The following MTUS2 variants were observed in gnomAD, a reference collection of about 807,000 sequenced individuals.
MTUS2 encodes microtubule associated scaffold protein 2.
In MTUS2, 40 loss-of-function variants were observed where a neutral mutation model predicts 114.1. The ratio of observed to expected loss-of-function variants is 0.35; its 90% CI spans 0.27 to 0.46. MTUS2 has a LOEUF of 0.46. Among genes scored for constraint, MTUS2 ranks in the 20% least tolerant of loss-of-function variants. The pLI is 1.00. For missense variants in MTUS2, 1,679 were observed against 1,705.4 expected (o/e 0.98, Z 0.27); for synonymous variants, 688 against 672.0 (o/e 1.02, Z -0.37).
intron 2 of MTUS2, among the ~76,000 whole-genome samples, chr13:28,934,435 A>G (rs905282745): frequency 6.6e-6 from 1 of 152,092 alleles, no homozygotes; most frequent in African/African-American, 2.4e-5. Flanking sequence ...CTCTGTGGTG[A>G]ATATGCTGTG....
intron 9 of MTUS2, chr13:29,476,551 T>C (rs1476346784): frequency 1.1e-5 from 1 of 88,952 alleles, no homozygotes. Context: ...ATAATTCACA[T>C]ACCATACAAC....
chr13:29,375,622 T>TAAA (rs1213645448), intron 8 of MTUS2, among the ~76,000 whole-genome samples: 2 of 13,444 alleles, frequency 1.5e-4, no homozygotes, highest in African/African-American at 4.3e-4. Context: ...TATATATATA[T>TAAA]ATATATATAT....
At chr13:28,998,538 C>T (rs957344091) in intron 2 of MTUS2, among the ~76,000 whole-genome samples, 1 of 152,176 alleles carries the variant, frequency 6.6e-6, no homozygotes, top group African/African-American at 2.4e-5. Context: ...CAGTCAGACG[C>T]AGATTTGGTC....
chr13:29,262,394 C>T (rs779690548), intron 5 of MTUS2, among the ~76,000 whole-genome samples: 2 of 152,062 alleles, frequency 1.3e-5, no homozygotes, highest in African/African-American at 2.4e-5. Context: ...CATCTGCACC[C>T]ATATTTCCCC....
intron 3 of MTUS2, among the ~76,000 whole-genome samples, chr13:29,029,356 G>A (rs570244264): frequency 6.6e-6 from 1 of 152,216 alleles, no homozygotes; most frequent in South Asian, 2.1e-4. Context: ...GGACACTTGA[G>A]TCTGGCTTTA....
intron 9 of MTUS2, among the ~76,000 whole-genome samples, chr13:29,445,922 A>G (rs1404999291): frequency 6.7e-5 from 10 of 148,942 alleles, no homozygotes; most frequent in African/African-American, 2.3e-4. Context: ...AAAAAAAAAG[A>G]GAGAGTTTAT....
At chr13:29,274,432 G>A (rs1897986710) in intron 5 of MTUS2, among the ~76,000 whole-genome samples, 1 of 152,012 alleles carries the variant, frequency 6.6e-6, no homozygotes, top group Admixed American at 6.6e-5. Flanking sequence ...AACACATTGA[G>A]AAACTACCAA....
At chr13:29,400,054 C>G (rs1054597943) in intron 8 of MTUS2, among the ~76,000 whole-genome samples, 7 of 152,090 alleles carry the variant, frequency 4.6e-5, no homozygotes, top group African/African-American at 1.7e-4. Context: ...AATGCCTTAC[C>G]AACAACAATG....
At chr13:29,387,675 G>A (rs543839752) in intron 8 of MTUS2, among the ~76,000 whole-genome samples, 7 of 152,264 alleles carry the variant, frequency 4.6e-5, no homozygotes, top group South Asian at 2.1e-4. Context: ...GGCGGGTGAC[G>A]TTAGGAGACA....
chr13:29,194,602 C>T (rs1894595208), intron 5 of MTUS2, among the ~76,000 whole-genome samples: 2 of 151,092 alleles, frequency 1.3e-5, no homozygotes, highest in South Asian at 2.1e-4. Context: ...ACAACAGGTG[C>T]TGGAGAGGAT....
At position 29,319,597 on chromosome 13, in the gene MTUS2, G is replaced by A. The variant is rs369173460; in HGVS notation, c.2807-5016G>A. 1.5e-3 allele frequency among the ~76,000 whole-genome samples: 229 copies of A among 152,256 alleles called. 4 individuals carry two copies. Among genetic ancestry groups the A allele is most frequent in the African/African-American group, 4.8e-3 (200 of 41,544 alleles). On this transcript the variant is annotated intron_variant, in intron 6 of 15. Coordinates refer to ENST00000612955, the MANE Select transcript of MTUS2 (RefSeq NM_001033602.4). ...CCAGGATACTGTGTAACACCAGAGC[G>A]GTGCAGAGCTCTGATCCAGCAGGCC... is the stretch of plus-strand genomic sequence containing the variant.
chr13:29,443,069 T>C (rs1878011365), intron 9 of MTUS2, among the ~76,000 whole-genome samples: 1 of 152,186 alleles, frequency 6.6e-6, no homozygotes, highest in South Asian at 2.1e-4. Flanking sequence ...GGCTTGGCAG[T>C]TCTGAGCATG....
intron 6 of MTUS2, among the ~76,000 whole-genome samples, chr13:29,309,914 A>G (rs1899674050): frequency 1.3e-5 from 2 of 152,158 alleles, no homozygotes; most frequent in African/African-American, 4.8e-5. Context: ...TCTTTATGTT[A>G]CAAACAATTC....
chr13:28,979,592 T>G (rs1884268139), intron 2 of MTUS2, among the ~76,000 whole-genome samples: 1 of 152,172 alleles, frequency 6.6e-6, no homozygotes, highest in Non-Finnish European at 1.5e-5. Context: ...TTGAAATTAA[T>G]AGAAGAGTTA....
intron 4 of MTUS2, among the ~76,000 whole-genome samples, chr13:29,041,656 C>T (rs1034105516): frequency 1.3e-5 from 2 of 152,018 alleles, no homozygotes; most frequent in African/African-American, 4.8e-5. Context: ...AGAGGTCTTT[C>T]CCCTCTTTGG....
At chr13:29,031,237 G>GGTTGTGT (rs1555287204) in intron 3 of MTUS2, among the ~76,000 whole-genome samples, 2 of 122,886 alleles carry the variant, frequency 1.6e-5, no homozygotes, top group Non-Finnish European at 3.4e-5. Context: ...AGAACTAATA[G>GGTTGTGT]GTGTGTGTGT....
At chr13:29,436,216 C>G (rs765898983) in intron 8 of MTUS2, among the ~76,000 whole-genome samples, 30 of 152,274 alleles carry the variant, frequency 2.0e-4, no homozygotes, top group Non-Finnish European at 3.4e-4. Context: ...CTTGTTGTTG[C>G]ATCTATCTAA....
chr13:28,998,679 G>T (rs911886314), intron 2 of MTUS2, among the ~76,000 whole-genome samples: 4 of 152,016 alleles, frequency 2.6e-5, no homozygotes, highest in Non-Finnish European at 2.9e-5. Flanking sequence ...CCAGTTGATC[G>T]CATCGGTTAC....
At chr13:29,106,791 A>G (rs1306414138) in intron 5 of MTUS2, among the ~76,000 whole-genome samples, 1 of 152,024 alleles carries the variant, frequency 6.6e-6, no homozygotes, top group Non-Finnish European at 1.5e-5. Flanking sequence ...TCTAATCCAC[A>G]AGCACATGGT....
Sources: allele counts gnomAD v4.1 joint callset (sites outside exome capture counted in the v4.1 genomes callset), GRCh38; gene constraint gnomAD v4.1.1; transcripts MANE v1.5; gene names NCBI Gene and HGNC (gene_info 2026-07-23, HGNC 2026-07-21).